The following LMX1A variants were observed in gnomAD, a reference collection of about 807,000 sequenced individuals.
The protein encoded by LMX1A is LIM homeobox transcription factor 1 alpha, also known as LIM homeobox transcription factor 1-alpha.
LMX1A carries 15 observed loss-of-function variants against 49.1 expected under a neutral mutation model. That is an observed-to-expected ratio of 0.31 (90% CI 0.20 to 0.47). The LOEUF (loss-of-function observed/expected upper bound fraction) is 0.47, where lower values mean the gene tolerates loss of function less well. Ranked by LOEUF, LMX1A falls within the 20% of genes least tolerant of loss-of-function variation. LMX1A has a pLI of 1.00. For missense variants in LMX1A, 372 were observed against 475.8 expected, an observed-to-expected ratio of 0.78 and a Z score of 2.03; for synonymous variants, 167 against 185.7, an observed-to-expected ratio of 0.90 and a Z score of 0.82.
chr1:165,324,122 G>A (rs955328121), intron 3 of LMX1A, among the ~76,000 whole-genome samples: 3 of 152,200 alleles, frequency 2.0e-5, no homozygotes, highest in African/African-American at 4.8e-5. Context: ...GCATTCAGTC[G>A]ATTCTGTGGA....
At chr1:165,301,081 C>T (rs1270998025) in intron 3 of LMX1A, among the ~76,000 whole-genome samples, 1 of 152,190 alleles carries the variant, frequency 6.6e-6, no homozygotes, top group African/African-American at 2.4e-5. Flanking sequence ...ATGATGCTGA[C>T]TCAAAACCAC....
chr1:165,276,494 T>G (rs566080867), intron 3 of LMX1A, among the ~76,000 whole-genome samples: 2 of 152,184 alleles, frequency 1.3e-5, no homozygotes, highest in South Asian at 2.1e-4. Flanking sequence ...AATTCTCATT[T>G]CCAGCCTCAG....
At position 165,353,220 on chromosome 1, in the gene LMX1A, C is replaced by A; in HGVS notation, c.119G>T (p.Arg40Leu). Residue 40 changes from arginine (R) to leucine (L), a missense_variant, in exon 3 of 9, where the codon CGG becomes CTG. Arg to Leu is a moderately radical substitution (Grantham distance 102). Coordinates refer to ENST00000342310, the MANE Select transcript of LMX1A (RefSeq NM_177398.4). ...CAGCAGAAACCTGTCCAAGATGACC[C>A]GCTGACAGCCCTCGCAGACAGACTT... ...SPKSVCEGCQ[R>L]VILDRFLLRL... is the part of the protein sequence containing the mutation. The A allele has an allele frequency of 6.2e-7, 1 of 1,613,780 alleles. No individual in the cohort carries two copies. Among genetic ancestry groups the A allele is most frequent in the Non-Finnish European group, 8.5e-7 (1 of 1,180,018 alleles).
chr1:165,261,289 C>G (rs1041328542), intron 3 of LMX1A, among the ~76,000 whole-genome samples: 4 of 152,106 alleles, frequency 2.6e-5, no homozygotes, highest in African/African-American at 9.7e-5. Flanking sequence ...TTTTATTCTT[C>G]AACTCTCTCC....
chr1:165,343,517 T>C (rs1656146461), intron 3 of LMX1A, among the ~76,000 whole-genome samples: 1 of 152,206 alleles, frequency 6.6e-6, no homozygotes, highest in South Asian at 2.1e-4. Flanking sequence ...ATAACTTTAT[T>C]CTTACATTCT....
chr1:165,346,619 C>T (rs1451949320), intron 3 of LMX1A, among the ~76,000 whole-genome samples: 2 of 152,194 alleles, frequency 1.3e-5, no homozygotes, highest in African/African-American at 4.8e-5. Flanking sequence ...CAAGTATACC[C>T]ACAGGGTAGG....
chr1:165,233,606 T>G (rs1652313994), intron 4 of LMX1A, among the ~76,000 whole-genome samples: 1 of 152,222 alleles, frequency 6.6e-6, no homozygotes. Flanking sequence ...ACCTTCAAAC[T>G]CAGCATGCCC....
intron 3 of LMX1A, among the ~76,000 whole-genome samples, chr1:165,265,013 C>T (rs1222683466): frequency 6.6e-6 from 1 of 151,966 alleles, no homozygotes; most frequent in Admixed American, 6.5e-5. Context: ...ACCATCCTGG[C>T]TAATACGGTG....
intron 3 of LMX1A, among the ~76,000 whole-genome samples, chr1:165,343,195 T>C (rs1557890844): frequency 2.0e-5 from 3 of 152,168 alleles, no homozygotes; most frequent in Admixed American, 2.0e-4. Flanking sequence ...AGTTTGGTAC[T>C]ATCATTATCC....
chr1:165,242,310 A>G (rs1256438830), intron 4 of LMX1A, among the ~76,000 whole-genome samples: 1 of 152,144 alleles, frequency 6.6e-6, no homozygotes, highest in African/African-American at 2.4e-5. Context: ...GGCCCTCATG[A>G]CAGGGACTTC....
At chr1:165,342,175 C>G (rs1028555288) in intron 3 of LMX1A, among the ~76,000 whole-genome samples, 2 of 152,164 alleles carry the variant, frequency 1.3e-5, no homozygotes, top group African/African-American at 4.8e-5. Flanking sequence ...TCCAGCTAGG[C>G]CAAGTAAAAA....
chr1:165,334,539 G>A (rs1311716837), intron 3 of LMX1A, among the ~76,000 whole-genome samples: 2 of 152,100 alleles, frequency 1.3e-5, no homozygotes, highest in African/African-American at 4.8e-5. Flanking sequence ...ACTAATAAAT[G>A]ACAAGTTTCA....
intron 3 of LMX1A, among the ~76,000 whole-genome samples, chr1:165,282,154 C>G (rs545878633): frequency 7.2e-5 from 11 of 152,202 alleles, no homozygotes; most frequent in Non-Finnish European, 1.0e-4. Flanking sequence ...ATCCATTCAG[C>G]CTCATGGTTT....
chr1:165,296,997 T>C (rs1237166448), intron 3 of LMX1A, among the ~76,000 whole-genome samples: 2 of 152,258 alleles, frequency 1.3e-5, no homozygotes, highest in Admixed American at 6.5e-5. Flanking sequence ...CTAACAGGTG[T>C]CCTGGTCTGA....
intron 4 of LMX1A, among the ~76,000 whole-genome samples, chr1:165,233,950 G>A (rs571956115): frequency 3.9e-5 from 6 of 152,186 alleles, no homozygotes; most frequent in Admixed American, 2.0e-4. Flanking sequence ...TTGGAACACT[G>A]CAATAGTCTC....
chr1:165,273,583 C>T (rs577992620), intron 3 of LMX1A, among the ~76,000 whole-genome samples: 56 of 152,338 alleles, frequency 3.7e-4, no homozygotes, highest in Non-Finnish European at 5.4e-4. Flanking sequence ...AGATATGACT[C>T]TTTCCCTCCA....
At chr1:165,351,510 A>G (rs1656426370) in intron 3 of LMX1A, among the ~76,000 whole-genome samples, 1 of 152,258 alleles carries the variant, frequency 6.6e-6, no homozygotes, top group South Asian at 2.1e-4. Context: ...AATGTTATCC[A>G]TAATGATCAC....
At chr1:165,284,826 C>T (rs1297277705) in intron 3 of LMX1A, among the ~76,000 whole-genome samples, 3 of 152,202 alleles carry the variant, frequency 2.0e-5, no homozygotes, top group Admixed American at 6.5e-5. Flanking sequence ...TGTTCTTTCC[C>T]ACCAGGAAGA....
At chr1:165,230,922 G>A (rs562148533) in intron 4 of LMX1A, among the ~76,000 whole-genome samples, 1 of 152,228 alleles carries the variant, frequency 6.6e-6, no homozygotes, top group African/African-American at 2.4e-5. Context: ...GAGAACTCTT[G>A]CCCACTGCCC....
Sources: gnomAD v4.1 joint callset for allele counts (sites outside exome capture counted in the v4.1 genomes callset) on GRCh38, gnomAD v4.1.1 for gene constraint, MANE v1.5 for transcripts, NCBI Gene and HGNC (gene_info 2026-07-23, HGNC 2026-07-21) for gene names.